The following OSBPL5 variants were observed in gnomAD, a reference collection of about 807,000 sequenced individuals.
OSBPL5 encodes oxysterol-binding protein-related protein 5.
OSBPL5 carries 71 observed loss-of-function variants against 111.2 expected under a neutral mutation model. The observed-to-expected ratio is 0.64, with a 90% CI of 0.53 to 0.78. The LOEUF is 0.78. Among genes scored for constraint, OSBPL5 ranks in the 30% least tolerant of loss-of-function variants. OSBPL5 has a pLI of 0.00. For synonymous variants in OSBPL5, 549 were observed against 513.9 expected (o/e 1.07, Z -0.93); for missense variants, 1,210 against 1,189.3 (o/e 1.02, Z -0.26).
At chr11:3,127,374 C>T (rs1858663579) in intron 2 of OSBPL5, among the ~76,000 whole-genome samples, 1 of 152,236 alleles carries the variant, frequency 6.6e-6, no homozygotes, top group African/African-American at 2.4e-5. Flanking sequence ...CGCCACAGAC[C>T]AGCTGGAAGG....
rs999248121 is a variant in OSBPL5, at chr11:3,105,963, G to A, written c.1059+1300C>T. 6.6e-6 allele frequency among the ~76,000 whole-genome samples: 1 copy of A among 152,136 alleles called. No homozygotes were observed. The highest frequency in any genetic ancestry group is 1.5e-5 in the Non-Finnish European group (1 of 68,022). On this transcript the variant is annotated intron_variant, in intron 9 of 21. Coordinates refer to ENST00000263650, the MANE Select transcript of OSBPL5 (RefSeq NM_020896.4). The surrounding 1 kb of genome is among the most constrained non-coding windows in gnomAD (Gnocchi z 5.2). ...GTCCTCAGCTTTCTCCTAACAATGG[G>A]TCTTCCCTACGGGTGGCCCAGTGTC...
intron 6 of OSBPL5, 76 bp downstream of exon 6, chr11:3,120,345 C>G: frequency 3.3e-6 from 5 of 1,527,056 alleles, no homozygotes; most frequent in Non-Finnish European, 3.5e-6. Context: ...GTTGGCTCCA[C>G]CCTCCACCAG....
rs767356129 is a variant in OSBPL5, at chr11:3,144,851, C to T, written c.-21-15682G>A. Among the ~76,000 whole-genome samples, 55 of 152,322 alleles carry T rather than the reference C, an allele frequency of 3.6e-4. 1 individual carries two copies. Among genetic ancestry groups the T allele is most frequent in the South Asian group, 1.0e-3 (5 of 4,826 alleles). ...CCCAGGACCTGCGAGAGCCACCCCC[C>T]GGCACCCGGATCCTCCAGGATGGTC... On this transcript the variant is annotated intron_variant, in intron 1 of 21. Transcript: ENST00000263650.
chr11:3,138,003 G>A (rs1404903190), intron 1 of OSBPL5, among the ~76,000 whole-genome samples: 1 of 152,234 alleles, frequency 6.6e-6, no homozygotes, highest in Non-Finnish European at 1.5e-5. Flanking sequence ...CTGTGGAGTG[G>A]TTGAACCTCA....
Position 3,129,032 on chromosome 11 carries a change from C to T in OSBPL5, c.117G>A (p.Glu39=). 1 of 1,587,388 alleles carries T rather than the reference C, an allele frequency of 6.3e-7. No homozygotes were observed. The highest frequency in any genetic ancestry group is 8.6e-7 in the Non-Finnish European group (1 of 1,167,838). Residue 39 remains glutamate (E), a synonymous_variant, in exon 2 of 22, where the codon GAG becomes GAA. Transcript: ENST00000263650. ...ACTTACCTGGGCTGAGTGGGTAGAGCTCATTGTCTCCGCTGAGGAGCAAGT... is the reference window on the plus strand; with the variant it reads ...ACTTACCTGGGCTGAGTGGGTAGAGTTCATTGTCTCCGCTGAGGAGCAAGT... ...TRNLLLSGDN[E]LYPLSPGKDM...
At chr11:3,093,363 G>A in intron 17 of OSBPL5, 164 bp downstream of exon 17, 4 of 1,151,114 alleles carry the variant, frequency 3.5e-6, no homozygotes, top group Non-Finnish European at 3.6e-6. Context: ...CCCTCCATCT[G>A]TCCTTTCCAG....
chr11:3,149,107 C>G (rs1590725191), intron 1 of OSBPL5, among the ~76,000 whole-genome samples: 5 of 152,336 alleles, frequency 3.3e-5, no homozygotes, highest in Admixed American at 3.3e-4. Flanking sequence ...ACCTCCAGGC[C>G]ACTCCAGCCC....
chr11:3,118,496 C>T (rs1057038107), intron 7 of OSBPL5, among the ~76,000 whole-genome samples: 1 of 152,142 alleles, frequency 6.6e-6, no homozygotes, highest in Non-Finnish European at 1.5e-5. Context: ...GTGCTCGGAC[C>T]ACCTTGGGCA....
chr11:3,164,252 C>T lies in OSBPL5; in HGVS notation c.-22+964G>A, dbSNP rs562325132. On this transcript the variant is annotated intron_variant, in intron 1 of 21. Transcript: ENST00000263650. Reference sequence around the variant, plus strand: ...GAAACGGCAAGAGAGGAAATCCACCCAGCCGCTTCGGCGGGGCAGACCCGC... The same window carrying T: ...GAAACGGCAAGAGAGGAAATCCACCTAGCCGCTTCGGCGGGGCAGACCCGC... The T allele has an allele frequency of 4.6e-5, 7 of 152,468 alleles. No individual in the cohort carries two copies. In the East Asian group the frequency reaches 1.4e-3, roughly 29 times the overall value. The allele number at this position is 152,468 out of a possible 1,614,324, so 9.4% of individuals were successfully genotyped here.
chr11:3,157,160 G>T (rs1846793358), intron 1 of OSBPL5, among the ~76,000 whole-genome samples: 1 of 152,228 alleles, frequency 6.6e-6, no homozygotes, highest in Admixed American at 6.5e-5. Context: ...AAACACCCAG[G>T]CCAAACACAT....
At chr11:3,128,656 T>G (rs1858718228) in intron 2 of OSBPL5, among the ~76,000 whole-genome samples, 1 of 152,294 alleles carries the variant, frequency 6.6e-6, no homozygotes. Context: ...GTCAAGTAGC[T>G]GGCCTGGGGT....
chr11:3,093,600 C>T lies in OSBPL5; in HGVS notation c.1873G>A (p.Gly625Arg), dbSNP rs199782698. 2.4e-5 allele frequency: 38 copies of T among 1,612,714 alleles called. No homozygotes were observed. Among genetic ancestry groups the T allele is most frequent in the South Asian group, 5.5e-5 (5 of 91,094 alleles). The change falls in exon 17 of 22, where the codon GGG (glycine) becomes AGG (arginine). Residue 625 changes from glycine (G) to arginine (R), a missense_variant. Physicochemically the swap from Gly to Arg is moderately radical, Grantham distance 125. Transcript: ENST00000263650. Reference sequence around the variant, plus strand: ...CTCAGCCTCTGTCTGCGGACCTCCCCGCTCGGGGTCCAGAAAAGCGCACTG... The same window carrying T: ...CTCAGCCTCTGTCTGCGGACCTCCCTGCTCGGGGTCCAGAAAAGCGCACTG... The part of the protein sequence containing the change: ...GSSALFWTPS[G>R]EVRRQRLRQH...
In OSBPL5 at chr11:3,088,280, C is replaced by A; in HGVS notation, c.2565G>T (p.Leu855=). The A allele has an allele frequency of 6.2e-7, 1 of 1,608,222 alleles. No homozygotes were observed. Among genetic ancestry groups the A allele is most frequent in the Non-Finnish European group, 8.5e-7 (1 of 1,177,530 alleles). The change falls in exon 22 of 22, where the codon CTG becomes CTT. Residue 855 remains leucine, a synonymous_variant. Transcript: ENST00000263650. ...RAAQAPTPGL[L]QSPRSWFLLC... is the part of the protein sequence containing the mutation. ...GCAGGAACCAGGATCGGGGGCTCTG[C>A]AGGAGGCCTGGGGTCGGTGCCTGTG...
chr11:3,127,527 C>T (rs1205194887), intron 2 of OSBPL5, among the ~76,000 whole-genome samples: 3 of 152,228 alleles, frequency 2.0e-5, no homozygotes, highest in South Asian at 2.1e-4. Context: ...CACAGAACAT[C>T]GCTGACCCTG....
intron 1 of OSBPL5, among the ~76,000 whole-genome samples, chr11:3,138,508 C>T (rs575884374): frequency 6.6e-6 from 1 of 152,316 alleles, no homozygotes; most frequent in Non-Finnish European, 1.5e-5. Flanking sequence ...GGATTGTGGA[C>T]GCAATCTCAA....
chr11:3,139,162 C>T (rs1453601744), intron 1 of OSBPL5, among the ~76,000 whole-genome samples: 1 of 152,230 alleles, frequency 6.6e-6, no homozygotes, highest in East Asian at 1.9e-4. Context: ...TGTTCCCGTT[C>T]AGGGGACCCT....
chr11:3,149,539 G>A lies in OSBPL5; in HGVS notation c.-22+15677C>T, dbSNP rs888225049. Among the ~76,000 whole-genome samples, 23 of 152,210 alleles carry A rather than the reference G, an allele frequency of 1.5e-4. No homozygotes were observed. The South Asian group carries it at 2.1e-3, about 14-fold the overall frequency. On this transcript the variant is annotated intron_variant, in intron 1 of 21. Transcript: ENST00000263650. ...TGTGCCTGTGGCAGGGGTGCCGCCC[G>A]CGCAGGCCGTGGGGACAGTTTATGC...
chr11:3,119,711 G>T, intron 6 of OSBPL5, 80 bp from the exon 7 acceptor site: 1 of 1,384,896 alleles, frequency 7.2e-7, no homozygotes, highest in Non-Finnish European at 9.7e-7. Context: ...GAACCATGCG[G>T]ATCCACACCT....
chr11:3,108,733 G>A (rs1183339123), intron 7 of OSBPL5, among the ~76,000 whole-genome samples: 1 of 151,752 alleles, frequency 6.6e-6, no homozygotes, highest in Non-Finnish European at 1.5e-5. Flanking sequence ...GGAGCATCTC[G>A]TGGTGGCCTG....
Sources: gnomAD v4.1 joint callset for allele counts (sites outside exome capture counted in the v4.1 genomes callset) on GRCh38, gnomAD v4.1.1 for gene constraint, Gnocchi (gnomAD v3.1) non-coding constraint, MANE v1.5 for transcripts, NCBI Gene and HGNC (gene_info 2026-07-23, HGNC 2026-07-21) for gene names.